The following PPFIBP2 variants were observed in gnomAD, a reference collection of about 807,000 sequenced individuals.
PPFIBP2 encodes the protein PPFIB scaffold protein 2.
PPFIBP2 carries 118 observed loss-of-function variants against 118.3 expected under a neutral mutation model. The ratio of observed to expected loss-of-function variants is 1.00; its 90% CI spans 0.86 to 1.16. The LOEUF (loss-of-function observed/expected upper bound fraction) is 1.16, where lower values mean the gene tolerates loss of function less well. PPFIBP2 is among the 50% of genes most tolerant of loss of function. The pLI is 0.00. For missense variants in PPFIBP2, 1,195 were observed against 1,073.1 expected, an observed-to-expected ratio of 1.11 and a Z score of -1.59; for synonymous variants, 414 against 397.4, an observed-to-expected ratio of 1.04 and a Z score of -0.50.
chr11:7,661,088 C>T (rs539866252), downstream of PPFIBP2, among the ~76,000 whole-genome samples: 1 of 151,814 alleles, frequency 6.6e-6, no homozygotes, highest in African/African-American at 2.4e-5. Flanking sequence ...TTAATCCTTT[C>T]AAAAAACCAG....
chr11:7,589,478 AGCT>A (rs1201672990), intron 3 of PPFIBP2, among the ~76,000 whole-genome samples: 2 of 152,076 alleles, frequency 1.3e-5, no homozygotes, highest in African/African-American at 4.8e-5. Flanking sequence ...CTGTAGACCC[AGCT>A]ACTCAAGAGG....
chr11:7,554,785 T>TGACTAGACTAGACTAGACTA lies in PPFIBP2; in HGVS notation c.64+5259_64+5278dup, dbSNP rs530273964. Among the ~76,000 whole-genome samples the TGACTAGACTAGACTAGACTA allele has an allele frequency of 1.0e-3, 131 of 129,800 alleles. 1 individual carries two copies. Among genetic ancestry groups the TGACTAGACTAGACTAGACTA allele is most frequent in the South Asian group, 2.4e-3 (10 of 4,142 alleles). The allele number at this position is 129,800 out of a possible 152,430, so 85.2% of individuals were successfully genotyped here. ...GAAATCTGAATGGCTGAATCCCAGG[T>TGACTAGACTAGACTAGACTA]GACTAGACTAGACTAGACTAGACTA... On this transcript the variant is annotated intron_variant, in intron 2 of 23. Transcript: ENST00000299492.
downstream of PPFIBP2, among the ~76,000 whole-genome samples, chr11:7,654,148 C>T (rs1340266281): frequency 6.6e-6 from 1 of 152,212 alleles, no homozygotes; most frequent in African/African-American, 2.4e-5. Context: ...ATGTGTTTTG[C>T]TGGCTTCTCT....
At chr11:7,519,479 C>G (rs186328264) in intron 1 of PPFIBP2, among the ~76,000 whole-genome samples, 2 of 152,160 alleles carry the variant, frequency 1.3e-5, no homozygotes, top group Non-Finnish European at 2.9e-5. Flanking sequence ...TTTCATTTGC[C>G]GGCCATTTGG....
chr11:7,547,453 T>C (rs1327184186), intron 1 of PPFIBP2, among the ~76,000 whole-genome samples: 2 of 152,176 alleles, frequency 1.3e-5, no homozygotes, highest in African/African-American at 4.8e-5. Context: ...GAAAGAGCAG[T>C]GGGAAGGATT....
intron 2 of PPFIBP2, among the ~76,000 whole-genome samples, chr11:7,553,887 A>G (rs1853277267): frequency 6.6e-6 from 1 of 152,176 alleles, no homozygotes; most frequent in African/African-American, 2.4e-5. Flanking sequence ...TGTCTGTAGG[A>G]GAAAAGAATT....
At chr11:7,629,042 A>G (rs1005759999) in intron 9 of PPFIBP2, among the ~76,000 whole-genome samples, 2 of 152,196 alleles carry the variant, frequency 1.3e-5, no homozygotes, top group Admixed American at 1.3e-4. Context: ...CCTCTGTAGT[A>G]TGAGGTATCT....
chr11:7,578,563 T>A (rs1189963437), intron 3 of PPFIBP2, among the ~76,000 whole-genome samples: 1 of 152,136 alleles, frequency 6.6e-6, no homozygotes, highest in African/African-American at 2.4e-5. Context: ...GGGTGTATAG[T>A]AGTGAGCAAA....
chr11:7,608,056 CAG>C, intron 5 of PPFIBP2, among the ~76,000 whole-genome samples: 1 of 152,132 alleles, frequency 6.6e-6, no homozygotes, highest in Non-Finnish European at 1.5e-5. Context: ...ACTCAAGACT[CAG>C]AGACTCAGAT....
At chr11:7,633,011 A>AC in intron 12 of PPFIBP2, 77 bp downstream of exon 12, 1 of 1,347,754 alleles carries the variant, frequency 7.4e-7, no homozygotes. Flanking sequence ...GATGGTGATG[A>AC]CCGTGAATGG....
chr11:7,620,664 C>T (rs1022901959), intron 6 of PPFIBP2, among the ~76,000 whole-genome samples: 5 of 152,172 alleles, frequency 3.3e-5, no homozygotes, highest in African/African-American at 1.2e-4. Context: ...GCATACCCCA[C>T]AGAGGACATA....
intron 1 of PPFIBP2, among the ~76,000 whole-genome samples, chr11:7,547,401 C>T (rs1852442474): frequency 1.3e-5 from 2 of 152,094 alleles, no homozygotes; most frequent in South Asian, 2.1e-4. Context: ...CTGAAACCTG[C>T]TTCATAGGCC....
chr11:7,662,950 G>A, the PPFIBP2 span, among the ~76,000 whole-genome samples: 20,697 of 114,846 alleles, frequency 0.18, 2,662 homozygotes, highest in Non-Finnish European at 0.29. Context: ...CGGCTCCTGA[G>A]GCTTCTGCAT....
At chr11:7,586,846 G>C (rs1299840457) in intron 3 of PPFIBP2, among the ~76,000 whole-genome samples, 1 of 152,200 alleles carries the variant, frequency 6.6e-6, no homozygotes, top group African/African-American at 2.4e-5. Context: ...CAGCCTCCCA[G>C]CGCCCAGACC....
At chr11:7,632,831 CTG>C (rs1284687154) in intron 11 of PPFIBP2, 34 bp from the exon 12 acceptor site, 3 of 1,554,614 alleles carry the variant, frequency 1.9e-6, no homozygotes, top group Admixed American at 3.3e-5. Flanking sequence ...CCCAAACAGA[CTG>C]TCCTCTACCG....
chr11:7,634,996 T>C (rs759717295), intron 13 of PPFIBP2, among the ~76,000 whole-genome samples: 12 of 152,096 alleles, frequency 7.9e-5, no homozygotes, highest in Non-Finnish European at 1.8e-4. Flanking sequence ...CAAGGAAAGA[T>C]GTGGGATCGT....
chr11:7,656,726 G>C (rs1854726134), downstream of PPFIBP2: 1 of 1,289,812 alleles, frequency 7.8e-7, no homozygotes, highest in Non-Finnish European at 1.0e-6. Context: ...GTCCTTTTCA[G>C]ACAATGCTGA....
intron 5 of PPFIBP2, among the ~76,000 whole-genome samples, chr11:7,604,894 G>C (rs12795852): frequency 6.6e-6 from 1 of 152,072 alleles, no homozygotes; most frequent in African/African-American, 2.4e-5. Context: ...CCAGCTGGAG[G>C]GAGAAACAGG....
intron 4 of PPFIBP2, chr11:7,597,230 G>T (rs947105744): frequency 1.3e-6 from 2 of 1,522,418 alleles, no homozygotes; most frequent in Non-Finnish European, 8.8e-7. Flanking sequence ...CCTTGAGGTC[G>T]GGGCTGTTCT....
Sources: allele counts gnomAD v4.1 joint callset (sites outside exome capture counted in the v4.1 genomes callset), GRCh38; gene constraint gnomAD v4.1.1; transcripts MANE v1.5; gene names NCBI Gene and HGNC (gene_info 2026-07-23, HGNC 2026-07-21).